LRRC49: variants seen among roughly 807,000 people sequenced by gnomAD.
The protein encoded by LRRC49 is leucine rich repeat containing 49.
LRRC49 carries 50 observed loss-of-function variants against 83.3 expected under a neutral mutation model. The observed-to-expected ratio is 0.60, with a 90% CI of 0.48 to 0.76. The LOEUF is 0.76. Among genes scored for constraint, LRRC49 ranks in the 30% least tolerant of loss-of-function variants. The pLI is 0.00. For synonymous variants in LRRC49, 286 were observed against 283.3 expected (o/e 1.01, Z -0.10); for missense variants, 704 against 809.1 (o/e 0.87, Z 1.58).
chr15:71,010,991 G>T (rs765133938), intron 13 of LRRC49, among the ~76,000 whole-genome samples: 8 of 152,074 alleles, frequency 5.3e-5, no homozygotes, highest in African/African-American at 1.9e-4. Flanking sequence ...TGAGGAGACT[G>T]TACATCTCTG....
chr15:70,872,907 G>A lies in LRRC49; in HGVS notation c.-298-1G>A, dbSNP rs1028664543. ...ACTTTTTTTTTTTTTTTTTTTTTTA[G>A]ATGGAGTCTCACTCTGTCGCCTAGG... On this transcript the variant is annotated splice_acceptor_variant, in intron 1 of 16. Coordinates refer to the LRRC49 transcript ENST00000544974. LOFTEE classifies it low-confidence loss of function (5UTR_SPLICE). 9 of 143,504 alleles carry A rather than the reference G, an allele frequency of 6.3e-5. No individual in the cohort carries two copies. The highest frequency in any genetic ancestry group is 9.7e-5 in the Non-Finnish European group (7 of 72,226). 8.9% of individuals were successfully genotyped at this position (143,504 alleles called of 1,614,324 possible). A position where few individuals can be genotyped will look rare whatever the true frequency, so the allele number is the denominator to read the frequency against.
chr15:70,976,942 G>T (rs1379125195), intron 9 of LRRC49, among the ~76,000 whole-genome samples: 1 of 151,982 alleles, frequency 6.6e-6, no homozygotes, highest in African/African-American at 2.4e-5. Flanking sequence ...AATTGATTTG[G>T]TGTAAATCCA....
intron 2 of LRRC49, among the ~76,000 whole-genome samples, chr15:70,880,592 A>C (rs2033244057): frequency 6.6e-6 from 1 of 152,254 alleles, no homozygotes; most frequent in South Asian, 2.1e-4. Context: ...CTTATACGTC[A>C]TTTAAAATAA....
intron 2 of LRRC49, among the ~76,000 whole-genome samples, chr15:70,879,175 C>G (rs1417717939): frequency 2.6e-5 from 4 of 152,210 alleles, no homozygotes; most frequent in African/African-American, 9.6e-5. Context: ...GATAGCTTGT[C>G]TGCTTTAGCT....
chr15:70,860,159 G>A, intron 1 of LRRC49: 1 of 683,442 alleles, frequency 1.5e-6, no homozygotes, highest in Admixed American at 2.1e-5. Context: ...TCCTGCCTAA[G>A]TGAACAGACG....
intron 14 of LRRC49, among the ~76,000 whole-genome samples, chr15:71,030,148 T>G (rs2039305003): frequency 6.6e-6 from 1 of 152,256 alleles, no homozygotes; most frequent in East Asian, 1.9e-4. Context: ...GTTTTTGCAG[T>G]GGCTGGTACC....
intron 2 of LRRC49, among the ~76,000 whole-genome samples, chr15:70,877,725 C>T (rs1448991692): frequency 6.6e-6 from 1 of 152,152 alleles, no homozygotes; most frequent in East Asian, 1.9e-4. Flanking sequence ...GGGTATGTTA[C>T]CTTCATGAAA....
intron 2 of LRRC49, chr15:70,881,269 C>T (rs1226348834): frequency 1.3e-5 from 2 of 152,112 alleles, no homozygotes; most frequent in Admixed American, 1.3e-4. Flanking sequence ...AAATTCAAGT[C>T]AAAATAGCAG....
chr15:70,890,653 A>T (rs2033530911), upstream of LRRC49, among the ~76,000 whole-genome samples: 1 of 152,240 alleles, frequency 6.6e-6, no homozygotes, highest in Admixed American at 6.5e-5. Context: ...ACGAAGAATG[A>T]GAGTACATAA....
intron 11 of LRRC49, among the ~76,000 whole-genome samples, chr15:70,985,235 C>T (rs1419446156): frequency 6.7e-6 from 1 of 150,280 alleles, no homozygotes; most frequent in African/African-American, 2.4e-5. Flanking sequence ...AACTAGTTTA[C>T]CGTCCCACCA....
At chr15:70,884,230 T>C (rs1260208177) in intron 2 of LRRC49, among the ~76,000 whole-genome samples, 1 of 152,088 alleles carries the variant, frequency 6.6e-6, no homozygotes, top group Non-Finnish European at 1.5e-5. Context: ...CATAGGCTAT[T>C]GATACCCAAG....
chr15:70,862,577 CAA>C (rs10623501), intron 1 of LRRC49, among the ~76,000 whole-genome samples: 124 of 61,712 alleles, frequency 2.0e-3, no homozygotes, highest in Middle Eastern at 0.01. Flanking sequence ...GACTCCGTCT[CAA>C]AAAAAAAAAA....
At chr15:70,909,839 A>AACACACACACAC (rs146189261) in intron 5 of LRRC49, among the ~76,000 whole-genome samples, 6,880 of 135,990 alleles carry the variant, frequency 0.051, 220 homozygotes, top group East Asian at 0.13. Flanking sequence ...CTCCATCTCA[A>AACACACACACAC]ACACACACAC....
rs1380395728 is a variant in LRRC49, at chr15:70,922,917, A to G, written c.711+3724A>G. 2.6e-5 allele frequency among the ~76,000 whole-genome samples: 4 copies of G among 151,960 alleles called. 1 individual carries two copies. Among genetic ancestry groups the G allele is most frequent in the Admixed American group, 2.6e-4 (4 of 15,238 alleles). ...AATAATAGGAACTAATATTACCAACATTTGTATATATCTTTTATTTTATCT... is the reference window on the plus strand; with the variant it reads ...AATAATAGGAACTAATATTACCAACGTTTGTATATATCTTTTATTTTATCT... On this transcript the variant is annotated intron_variant, in intron 7 of 15. Transcript: ENST00000260382.
intron 11 of LRRC49, among the ~76,000 whole-genome samples, chr15:70,991,593 A>T (rs1162968500): frequency 1.3e-5 from 2 of 152,156 alleles, no homozygotes; most frequent in Admixed American, 6.5e-5. Context: ...ACTTTGTGGA[A>T]TTTTTTTCGG....
Position 70,963,947 on chromosome 15 carries a change from A to G in LRRC49, c.921+15A>G. 6.2e-7 allele frequency: 1 copy of G among 1,610,300 alleles called. No individual in the cohort carries two copies. Among genetic ancestry groups the G allele is most frequent in the Non-Finnish European group, 8.5e-7 (1 of 1,177,820 alleles). ...AGAGAATCACGGTGAGAACCCTTCC[A>G]AAGTGTTCACCATGTTGTTGTCCTT... On this transcript the variant is annotated intron_variant, in intron 9 of 15. Coordinates refer to ENST00000260382, the MANE Select transcript of LRRC49 (RefSeq NM_017691.5).
chr15:70,990,377 T>C (rs2037821298), intron 11 of LRRC49, among the ~76,000 whole-genome samples: 1 of 152,204 alleles, frequency 6.6e-6, no homozygotes, highest in Non-Finnish European at 1.5e-5. Context: ...GCCTTGCAGT[T>C]TGATCTCAGA....
At chr15:70,892,150 G>A (rs144868361), upstream of LRRC49, 1,220 of 1,613,218 alleles carry the variant, frequency 7.6e-4, 4 homozygotes, top group African/African-American at 0.015. Flanking sequence ...ACCAGTCGGC[G>A]CGGCAACCCC....
chr15:70,983,729 A>C (rs914339398), intron 10 of LRRC49, among the ~76,000 whole-genome samples: 5 of 152,164 alleles, frequency 3.3e-5, no homozygotes, highest in Non-Finnish European at 7.3e-5. Context: ...GAGGCATATA[A>C]ATTTCTGTTT....
Sources: gnomAD v4.1 joint callset for allele counts (sites outside exome capture counted in the v4.1 genomes callset) on GRCh38, gnomAD v4.1.1 for gene constraint, MANE v1.5 for transcripts, NCBI Gene and HGNC (gene_info 2026-07-23, HGNC 2026-07-21) for gene names.